The following DGKB variants were observed in gnomAD, a reference collection of about 807,000 sequenced individuals.
DGKB encodes the protein diacylglycerol kinase beta.
In DGKB, 67 loss-of-function variants were observed where a neutral mutation model predicts 114.3. The ratio of observed to expected loss-of-function variants is 0.59; its 90% CI spans 0.48 to 0.72. The LOEUF (loss-of-function observed/expected upper bound fraction) is 0.72. Ranked by LOEUF, DGKB falls within the 30% of genes least tolerant of loss-of-function variation. The pLI, the probability that DGKB is intolerant of heterozygous loss-of-function variation, is 0.00. For synonymous variants in DGKB, 398 were observed against 323.1 expected (o/e 1.23, Z -2.49); for missense variants, 907 against 975.2 (o/e 0.93, Z 0.93).
chr7:14,163,807 C>A (rs889809093), intron 25 of DGKB, among the ~76,000 whole-genome samples: 1 of 152,048 alleles, frequency 6.6e-6, no homozygotes. Flanking sequence ...CCAGCCTGAC[C>A]AATATGGTGA....
chr7:14,953,781 C>A (rs968024065), intron 1 of DGKB, among the ~76,000 whole-genome samples: 1 of 152,108 alleles, frequency 6.6e-6, no homozygotes, highest in Non-Finnish European at 1.5e-5. Context: ...TAAACAAGAA[C>A]TGTAAAGAAT....
At chr7:14,355,629 A>G (rs1814306201) in intron 21 of DGKB, among the ~76,000 whole-genome samples, 1 of 152,202 alleles carries the variant, frequency 6.6e-6, no homozygotes, top group African/African-American at 2.4e-5. Context: ...GATGAAGCCA[A>G]CTTGATCATG....
intron 6 of DGKB, among the ~76,000 whole-genome samples, chr7:14,710,920 C>T (rs926930525): frequency 2.0e-5 from 3 of 151,878 alleles, no homozygotes; most frequent in African/African-American, 4.8e-5. Context: ...TATCTTGTTT[C>T]CTTTCTGCTT....
rs367569973 is a variant in DGKB at position 14,645,873 on chromosome 7, T to C, written c.1135-15605A>G. ...GAAGGCAAAAGGATGATATCTGCCA[T>C]TATGATAACAAATGAGAAAGACAAG... is the stretch of plus-strand genomic sequence containing the variant. On this transcript the variant is annotated intron_variant, in intron 13 of 25. Transcript: ENST00000402815. Among the ~76,000 whole-genome samples the C allele has an allele frequency of 5.3e-5, 8 of 152,114 alleles. No homozygotes were observed. In the East Asian group the frequency reaches 9.7e-4, roughly 18 times the overall value.
chr7:14,898,412 T>C (rs1040990466), intron 1 of DGKB, among the ~76,000 whole-genome samples: 1 of 152,108 alleles, frequency 6.6e-6, no homozygotes, highest in South Asian at 2.1e-4. Flanking sequence ...AGTTTGTAAC[T>C]GTGACAAGTC....
intron 21 of DGKB, among the ~76,000 whole-genome samples, chr7:14,441,497 T>A (rs1426261885): frequency 6.6e-6 from 1 of 152,162 alleles, no homozygotes; most frequent in African/African-American, 2.4e-5. Flanking sequence ...GTCAAAAAAT[T>A]TTTTAACTAT....
rs150697229 is a variant in DGKB, at chr7:14,267,042, A to G, written c.2122+71473T>C. ...TAGAGATGTCTATGATACGTGAAAG[A>G]TGTTTGTGAATGAATACATGTCTTT... is the stretch of plus-strand genomic sequence containing the variant. On this transcript the variant is annotated intron_variant, in intron 23 of 25. Coordinates refer to ENST00000402815, the MANE Select transcript of DGKB (RefSeq NM_001350709.2). Among the ~76,000 whole-genome samples the G allele has an allele frequency of 6.9e-3, 1,052 of 152,318 alleles. 4 individuals are homozygous for G. Among genetic ancestry groups the G allele is most frequent in the Non-Finnish European group, 0.011 (744 of 68,038 alleles).
At chr7:14,194,419 C>A (rs1370916910) in intron 23 of DGKB, among the ~76,000 whole-genome samples, 2 of 152,046 alleles carry the variant, frequency 1.3e-5, no homozygotes, top group East Asian at 1.9e-4. Flanking sequence ...CTGGAGGACA[C>A]CGTGTTAACC....
At chr7:14,738,507 A>G (rs1832077899) in intron 4 of DGKB, among the ~76,000 whole-genome samples, 1 of 152,230 alleles carries the variant, frequency 6.6e-6, no homozygotes, top group South Asian at 2.1e-4. Flanking sequence ...AATTAGAATA[A>G]TAGCACCTAC....
At chr7:14,410,028 G>A (rs1021869969) in intron 21 of DGKB, among the ~76,000 whole-genome samples, 1 of 151,988 alleles carries the variant, frequency 6.6e-6, no homozygotes, top group African/African-American at 2.4e-5. Context: ...GGATTCAAAA[G>A]TTAAAGATAG....
intron 20 of DGKB, among the ~76,000 whole-genome samples, chr7:14,523,533 T>C (rs73057442): frequency 6.6e-6 from 1 of 152,306 alleles, no homozygotes; most frequent in Non-Finnish European, 1.5e-5. Flanking sequence ...TCAGGATATT[T>C]GTGCTAAAAT....
intron 18 of DGKB, among the ~76,000 whole-genome samples, chr7:14,582,817 G>T (rs900903874): frequency 3.3e-5 from 5 of 152,186 alleles, no homozygotes; most frequent in Middle Eastern, 3.4e-3. Context: ...CTGAAAATTT[G>T]GTAAACACTG....
At chr7:14,402,798 A>C (rs1823342877) in intron 21 of DGKB, among the ~76,000 whole-genome samples, 1 of 151,906 alleles carries the variant, frequency 6.6e-6, no homozygotes, top group South Asian at 2.1e-4. Flanking sequence ...TGAATAAAGC[A>C]GATAATCCTC....
intron 14 of DGKB, among the ~76,000 whole-genome samples, chr7:14,623,622 G>A (rs1044768954): frequency 6.6e-6 from 1 of 152,010 alleles, no homozygotes; most frequent in African/African-American, 2.4e-5. Flanking sequence ...GCAATTCCAT[G>A]GTGCAAAAAC....
chr7:14,761,401 C>T (rs373720715), intron 2 of DGKB, among the ~76,000 whole-genome samples: 10 of 152,176 alleles, frequency 6.6e-5, no homozygotes, highest in East Asian at 3.8e-4. Flanking sequence ...GTTTTACCTT[C>T]TTTTGGGGGG....
At chr7:14,954,721 G>T (rs1389853833) in intron 1 of DGKB, among the ~76,000 whole-genome samples, 1 of 151,870 alleles carries the variant, frequency 6.6e-6, no homozygotes, top group East Asian at 1.9e-4. Context: ...TGAAAGAAAA[G>T]GAGATATGGA....
chr7:14,649,729 G>C (rs1814000233), intron 13 of DGKB, among the ~76,000 whole-genome samples: 2 of 141,478 alleles, frequency 1.4e-5, no homozygotes, highest in African/African-American at 5.5e-5. Context: ...AGACCCATCA[G>C]TGTGCTGTAT....
At chr7:14,428,771 C>G (rs1827975993) in intron 21 of DGKB, among the ~76,000 whole-genome samples, 2 of 152,084 alleles carry the variant, frequency 1.3e-5, no homozygotes, top group African/African-American at 2.4e-5. Flanking sequence ...ATACCCCTCT[C>G]CCTTTAATTT....
chr7:14,504,430 A>G (rs112391867), intron 20 of DGKB, among the ~76,000 whole-genome samples: 2 of 152,192 alleles, frequency 1.3e-5, no homozygotes, highest in Non-Finnish European at 2.9e-5. Flanking sequence ...CGGACTCATT[A>G]AAGTTTAGTA....
Sources: allele counts gnomAD v4.1 joint callset (sites outside exome capture counted in the v4.1 genomes callset), GRCh38; gene constraint gnomAD v4.1.1; transcripts MANE v1.5; gene names NCBI Gene and HGNC (gene_info 2026-07-23, HGNC 2026-07-21).